SGTB: variants seen among roughly 807,000 people sequenced by gnomAD.
The protein encoded by SGTB is small glutamine rich tetratricopeptide repeat co-chaperone beta, also known as small glutamine-rich tetratricopeptide repeat-containing protein beta.
SGTB carries 19 observed loss-of-function variants against 43.9 expected under a neutral mutation model. The observed-to-expected ratio is 0.43, with a 90% CI of 0.30 to 0.63. The LOEUF (loss-of-function observed/expected upper bound fraction) is 0.63. SGTB is among the 30% of genes least tolerant of loss of function. SGTB has a pLI of 0.12. For missense variants in SGTB, 304 were observed against 358.9 expected (o/e 0.85, Z 1.24); for synonymous variants, 116 against 117.3 (o/e 0.99, Z 0.07).
At chr5:65,671,307 C>A (rs1399390507) in intron 10 of SGTB, among the ~76,000 whole-genome samples, 2 of 152,056 alleles carry the variant, frequency 1.3e-5, no homozygotes, top group Non-Finnish European at 2.9e-5. Flanking sequence ...TGTCTCCATA[C>A]CCTCAAAGTA....
Position 65,667,988 on chromosome 5 carries a change from T to C in SGTB, c.*2258A>G, listed in dbSNP as rs1046698415. The C allele has an allele frequency of 6.6e-6, 1 of 150,780 alleles. No individual in the cohort carries two copies. The highest frequency in any genetic ancestry group is 2.4e-5 in the African/African-American group (1 of 40,946). The allele number at this position is 150,780 out of a possible 1,614,324, so 9.3% of individuals were successfully genotyped here. ...TTTTTTTTGAAATGGAGTCTTGCTCTGTCACCCAGGCTGGAGTGCAGTGGC... is the reference window on the plus strand; with the variant it reads ...TTTTTTTTGAAATGGAGTCTTGCTCCGTCACCCAGGCTGGAGTGCAGTGGC... On this transcript the variant is annotated 3_prime_UTR_variant, in exon 11 of 11. Transcript: ENST00000381007.
chr5:65,690,311 C>T (rs1028281312), intron 5 of SGTB, among the ~76,000 whole-genome samples: 3 of 151,776 alleles, frequency 2.0e-5, no homozygotes, highest in Non-Finnish European at 2.9e-5. Context: ...TAGTGGTGTA[C>T]GCCTGTAGTT....
rs746412245 is a variant in SGTB, at chr5:65,713,067, T to C, written c.101-3A>G. 1 of 1,597,674 alleles carries C rather than the reference T, an allele frequency of 6.3e-7. No individual in the cohort carries two copies. The highest frequency in any genetic ancestry group is 8.5e-7 in the Non-Finnish European group (1 of 1,174,174). On this transcript the variant is annotated splice_region_variant and splice_polypyrimidine_tract_variant and intron_variant, in intron 2 of 10. Coordinates refer to ENST00000381007, the MANE Select transcript of SGTB (RefSeq NM_019072.3). ...TGTCTCCAAGCACTGAATTGCAACTTGAAATAAATTTTAATAGTAAAAAAC... is the reference window on the plus strand; with the variant it reads ...TGTCTCCAAGCACTGAATTGCAACTCGAAATAAATTTTAATAGTAAAAAAC...
chr5:65,709,774 T>A (rs527736530), intron 3 of SGTB, among the ~76,000 whole-genome samples: 26 of 152,284 alleles, frequency 1.7e-4, no homozygotes, highest in Non-Finnish European at 2.8e-4. Context: ...GTAATTTTTT[T>A]ATATTGTATA....
chr5:65,670,468 A>G, intron 10 of SGTB, 111 bp from the exon 11 acceptor site: 3 of 788,218 alleles, frequency 3.8e-6, no homozygotes, highest in Non-Finnish European at 6.2e-6. Flanking sequence ...TTTTTCTATA[A>G]AAACAAGTTT....
At chr5:65,689,465 C>T (rs1317811543) in intron 5 of SGTB, among the ~76,000 whole-genome samples, 1 of 152,144 alleles carries the variant, frequency 6.6e-6, no homozygotes, top group Admixed American at 6.5e-5. Flanking sequence ...TCCATAATGT[C>T]TCCTGCCCTC....
chr5:65,685,569 T>C, intron 5 of SGTB, 97 bp from the exon 6 acceptor site: 1 of 891,544 alleles, frequency 1.1e-6, no homozygotes, highest in Non-Finnish European at 1.7e-6. Flanking sequence ...TTGTTCCAAT[T>C]TGTAGATCAC....
intron 6 of SGTB, among the ~76,000 whole-genome samples, chr5:65,684,037 A>T (rs1310359764): frequency 6.6e-6 from 1 of 151,662 alleles, no homozygotes; most frequent in Non-Finnish European, 1.5e-5. Context: ...GAGAAGTGGG[A>T]TGGTGGCTAG....
rs1208727592 is a variant in SGTB at position 65,680,652 on chromosome 5, T to G, written c.618+4A>C. On this transcript the variant is annotated splice_donor_region_variant and intron_variant, in intron 7 of 10. Transcript: ENST00000381007. ...ACTTCACTCATTTGGCATTAACAACTTACAGGACTGGATACCTCTCTTAAC... is the reference window on the plus strand; with the variant it reads ...ACTTCACTCATTTGGCATTAACAACGTACAGGACTGGATACCTCTCTTAAC... 1.9e-6 allele frequency: 3 copies of G among 1,613,996 alleles called. No individual in the cohort carries two copies. The highest frequency in any genetic ancestry group is 1.7e-5 in the Admixed American group (1 of 60,012).
At chr5:65,719,602 A>G (rs1190051711) in intron 2 of SGTB, among the ~76,000 whole-genome samples, 1 of 152,150 alleles carries the variant, frequency 6.6e-6, no homozygotes, top group Non-Finnish European at 1.5e-5. Context: ...GTCTCAAAAA[A>G]TAAATAAATA....
chr5:65,695,682 G>A (rs1269890969), intron 5 of SGTB, among the ~76,000 whole-genome samples: 1 of 152,154 alleles, frequency 6.6e-6, no homozygotes, highest in Non-Finnish European at 1.5e-5. Flanking sequence ...TATTTTTACA[G>A]AGAGACGGAA....
intron 4 of SGTB, among the ~76,000 whole-genome samples, chr5:65,706,188 A>C (rs1315510456): frequency 6.6e-6 from 1 of 152,246 alleles, no homozygotes; most frequent in African/African-American, 2.4e-5. Flanking sequence ...AAAAAAATTA[A>C]TTTGGATCTT....
At chr5:65,676,354 T>C (rs1314782436) in intron 8 of SGTB, among the ~76,000 whole-genome samples, 3 of 151,506 alleles carry the variant, frequency 2.0e-5, no homozygotes, top group Non-Finnish European at 4.4e-5. Context: ...CATTACATAA[T>C]GGTAAAGGGT....
At chr5:65,707,570 G>GA (rs1757959516) in intron 4 of SGTB, among the ~76,000 whole-genome samples, 1 of 151,794 alleles carries the variant, frequency 6.6e-6, no homozygotes, top group African/African-American at 2.4e-5. Context: ...GAGTAGCTGG[G>GA]ATTACAGGCA....
At position 65,707,634 on chromosome 5, in the gene SGTB, C is replaced by T. The variant is rs10072073; in HGVS notation, c.274+855G>A. On this transcript the variant is annotated intron_variant, in intron 4 of 10. Transcript: ENST00000381007. Reference sequence around the variant, plus strand: ...ATTTTTAGTAGAGACGGGGTTTCACCGAGTTGGCCAGGATGGTCTTGATCT... The same window carrying T: ...ATTTTTAGTAGAGACGGGGTTTCACTGAGTTGGCCAGGATGGTCTTGATCT... Among the ~76,000 whole-genome samples, 261 of 152,072 alleles carry T rather than the reference C, an allele frequency of 1.7e-3. 1 individual carries two copies. Among genetic ancestry groups the T allele is most frequent in the African/African-American group, 6.2e-3 (258 of 41,460 alleles).
chr5:65,692,206 C>T (rs184317808), intron 5 of SGTB, among the ~76,000 whole-genome samples: 133 of 151,934 alleles, frequency 8.8e-4, no homozygotes, highest in Non-Finnish European at 1.5e-3. Flanking sequence ...GTAAAGGAAA[C>T]GATAAAATTA....
chr5:65,708,671 T>A, intron 3 of SGTB, 113 bp from the exon 4 acceptor site: 1 of 709,046 alleles, frequency 1.4e-6, no homozygotes, highest in South Asian at 2.7e-5. Flanking sequence ...TAACTCCACA[T>A]CATGAAAACA....
At chr5:65,714,101 ATAT>A (rs1758103268) in intron 2 of SGTB, among the ~76,000 whole-genome samples, 1 of 152,176 alleles carries the variant, frequency 6.6e-6, no homozygotes, top group South Asian at 2.1e-4. Context: ...CAAACCTAAA[ATAT>A]TATTTTTTTA....
intron 6 of SGTB, among the ~76,000 whole-genome samples, chr5:65,683,964 A>G (rs1757449415): frequency 6.6e-6 from 1 of 151,972 alleles, no homozygotes. Flanking sequence ...AAAAAGAAAA[A>G]AAGAGATGAC....
Sources: allele counts gnomAD v4.1 joint callset (sites outside exome capture counted in the v4.1 genomes callset), GRCh38; gene constraint gnomAD v4.1.1; transcripts MANE v1.5; gene names NCBI Gene and HGNC (gene_info 2026-07-23, HGNC 2026-07-21).